MAPK8: variants seen among roughly 807,000 people sequenced by gnomAD.
MAPK8 encodes the protein mitogen-activated protein kinase 8.
MAPK8 carries 13 observed loss-of-function variants against 52.9 expected under a neutral mutation model. The observed-to-expected ratio is 0.25, with a 90% CI of 0.16 to 0.39. MAPK8 has a LOEUF of 0.39. Ranked by LOEUF, MAPK8 falls within the 10% of genes least tolerant of loss-of-function variation. The pLI is 1.00. For synonymous variants in MAPK8, 191 were observed against 169.8 expected (o/e 1.12, Z -0.97); for missense variants, 300 against 519.2 (o/e 0.58, Z 4.10).
chr10:48,337,738 C>G (rs568992018), intron 1 of MAPK8, among the ~76,000 whole-genome samples: 1 of 152,082 alleles, frequency 6.6e-6, no homozygotes, highest in South Asian at 2.1e-4. Context: ...AGAGAAGATT[C>G]AAATAAGCAC....
intron 5 of MAPK8, among the ~76,000 whole-genome samples, chr10:48,414,967 A>G (rs1317150410): frequency 6.6e-6 from 1 of 152,128 alleles, no homozygotes; most frequent in Non-Finnish European, 1.5e-5. Context: ...CATGTAATAA[A>G]ATAAATACAG....
At chr10:48,319,057 G>T (rs1842754783) in intron 1 of MAPK8, among the ~76,000 whole-genome samples, 1 of 152,188 alleles carries the variant, frequency 6.6e-6, no homozygotes, top group Non-Finnish European at 1.5e-5. Flanking sequence ...ACAGGAGATG[G>T]TGGTTATCAC....
chr10:48,370,618 A>C (rs1173438335), intron 1 of MAPK8, among the ~76,000 whole-genome samples: 1 of 152,176 alleles, frequency 6.6e-6, no homozygotes, highest in Non-Finnish European at 1.5e-5. Flanking sequence ...AGGTCCTAAA[A>C]TGAGGGTAAC....
At chr10:48,350,436 C>G (rs1487172254) in intron 1 of MAPK8, among the ~76,000 whole-genome samples, 1 of 152,226 alleles carries the variant, frequency 6.6e-6, no homozygotes, top group Admixed American at 6.5e-5. Context: ...AAGTCTGCTT[C>G]ATCCCTGGGA....
At chr10:48,426,134 G>C in intron 8 of MAPK8, 64 bp downstream of exon 8, 1 of 1,377,616 alleles carries the variant, frequency 7.3e-7, no homozygotes, top group Non-Finnish European at 9.9e-7. Flanking sequence ...GTATGGGTTT[G>C]TGTGTTTATA....
chr10:48,366,909 C>A (rs1848104428), intron 1 of MAPK8, among the ~76,000 whole-genome samples: 1 of 152,050 alleles, frequency 6.6e-6, no homozygotes, highest in Non-Finnish European at 1.5e-5. Flanking sequence ...TAGAATCCTC[C>A]CTGCTACATA....
At chr10:48,340,143 C>T (rs1283421229) in intron 1 of MAPK8, among the ~76,000 whole-genome samples, 1 of 152,064 alleles carries the variant, frequency 6.6e-6, no homozygotes, top group East Asian at 1.9e-4. Context: ...AGCAGAGGCA[C>T]AGAATCAAGT....
At chr10:48,321,739 T>C (rs1175653955) in intron 1 of MAPK8, among the ~76,000 whole-genome samples, 1 of 152,240 alleles carries the variant, frequency 6.6e-6, no homozygotes, top group Non-Finnish European at 1.5e-5. Context: ...GACATGCAGT[T>C]GTCCTAGCTC....
rs1350722909 is a variant in MAPK8, at chr10:48,424,716, C to T, written c.688+557C>T. 2.0e-5 allele frequency: 10 copies of T among 498,548 alleles called. No homozygotes were observed. The East Asian group carries it at 2.9e-4, about 15-fold the overall frequency. The allele number at this position is 498,548 out of a possible 1,614,324, so 30.9% of individuals were successfully genotyped here. A position where few individuals can be genotyped will look rare whatever the true frequency, so the allele number is the denominator to read the frequency against. On this transcript the variant is annotated intron_variant, in intron 7 of 11. Transcript: ENST00000374189. ...TAAATTACTCTTAAAATACCACCTA[C>T]TATTTGACATAGACTTTTCCTTCCG... is the stretch of plus-strand genomic sequence containing the variant.
intron 6 of MAPK8, among the ~76,000 whole-genome samples, chr10:48,422,775 A>G (rs1040215081): frequency 1.3e-5 from 2 of 152,320 alleles, no homozygotes; most frequent in Non-Finnish European, 2.9e-5. Context: ...GAAAATATTC[A>G]TTCATTTTAA....
intron 1 of MAPK8, among the ~76,000 whole-genome samples, chr10:48,339,629 C>T (rs921092709): frequency 6.6e-6 from 1 of 151,902 alleles, no homozygotes; most frequent in Non-Finnish European, 1.5e-5. Context: ...GGGTAAACAG[C>T]GTACAGAATG....
chr10:48,370,021 G>A (rs903799173), intron 1 of MAPK8, among the ~76,000 whole-genome samples: 8 of 152,074 alleles, frequency 5.3e-5, no homozygotes, highest in African/African-American at 1.9e-4. Context: ...GCGAAGTAAG[G>A]TTTTTATGTA....
intron 10 of MAPK8, 114 bp from the exon 11 acceptor site, chr10:48,431,079 A>G (rs2044201455): frequency 4.3e-6 from 3 of 690,668 alleles, no homozygotes; most frequent in Non-Finnish European, 7.8e-6. Context: ...TGTCATTGTA[A>G]GGACACTGTT....
At chr10:48,415,780 G>C (rs562970410) in intron 5 of MAPK8, among the ~76,000 whole-genome samples, 3 of 152,164 alleles carry the variant, frequency 2.0e-5, no homozygotes, top group Admixed American at 2.0e-4. Context: ...ATGAAGTAGG[G>C]TTGCTATACA....
At chr10:48,412,152 A>G (rs1589229835) in intron 5 of MAPK8, among the ~76,000 whole-genome samples, 2 of 152,222 alleles carry the variant, frequency 1.3e-5, no homozygotes, top group African/African-American at 4.8e-5. Flanking sequence ...GGCCTCTTTC[A>G]GCACTTTAGA....
chr10:48,332,711 A>G (rs560779496), intron 1 of MAPK8, among the ~76,000 whole-genome samples: 3 of 152,210 alleles, frequency 2.0e-5, no homozygotes, highest in Non-Finnish European at 2.9e-5. Flanking sequence ...TACATGAACT[A>G]TGGCTACCTC....
chr10:48,431,120 C>T (rs1038244521), intron 10 of MAPK8, 73 bp from the exon 11 acceptor site: 2 of 923,434 alleles, frequency 2.2e-6, no homozygotes, highest in Non-Finnish European at 3.5e-6. Flanking sequence ...AAAATTTCCA[C>T]TTAAACCATA....
At chr10:48,366,195 G>GA (rs1000376293) in intron 1 of MAPK8, among the ~76,000 whole-genome samples, 4 of 150,840 alleles carry the variant, frequency 2.7e-5, no homozygotes, top group Admixed American at 6.6e-5. Context: ...TTTCCTATGG[G>GA]AAAAAAAATA....
At chr10:48,386,248 C>G (rs150130486) in intron 1 of MAPK8, among the ~76,000 whole-genome samples, 1 of 152,152 alleles carries the variant, frequency 6.6e-6, no homozygotes, top group East Asian at 1.9e-4. Context: ...CAGTATGTAA[C>G]CAATTTTTTT....
Sources: gnomAD v4.1 joint callset for allele counts (sites outside exome capture counted in the v4.1 genomes callset) on GRCh38, gnomAD v4.1.1 for gene constraint, MANE v1.5 for transcripts, NCBI Gene and HGNC (gene_info 2026-07-23, HGNC 2026-07-21) for gene names.